PRKAG2: variants seen among roughly 807,000 people sequenced by gnomAD.
PRKAG2 encodes protein kinase AMP-activated non-catalytic subunit gamma 2, also known as 5'-AMP-activated protein kinase subunit gamma-2.
A neutral mutation model predicts 69.6 loss-of-function variants in PRKAG2; 26 were observed. The observed-to-expected ratio is 0.37, with a 90% confidence interval of 0.27 to 0.52. The LOEUF (loss-of-function observed/expected upper bound fraction) is 0.52. PRKAG2 is among the 20% of genes least tolerant of loss of function. The pLI is 0.90. For missense variants in PRKAG2, 557 were observed against 740.0 expected, an observed-to-expected ratio of 0.75 and a Z score of 2.87; for synonymous variants, 293 against 285.0, an observed-to-expected ratio of 1.03 and a Z score of -0.28.
intron 5 of PRKAG2, among the ~76,000 whole-genome samples, chr7:151,620,627 G>A (rs4726062): frequency 0.097 from 14,794 of 151,888 alleles, 957 homozygotes; most frequent in Middle Eastern, 0.16. Flanking sequence ...ACAGGCATCC[G>A]CTACCATACC....
chr7:151,736,483 AT>A, intron 3 of PRKAG2: 1 of 857,272 alleles, frequency 1.2e-6, no homozygotes, highest in South Asian at 5.4e-5. Context: ...GCCGTGCATG[AT>A]GTCTCTTTAA....
chr7:151,637,711 T>TTTG (rs1382156403), intron 4 of PRKAG2, among the ~76,000 whole-genome samples: 2 of 151,888 alleles, frequency 1.3e-5, no homozygotes, highest in African/African-American at 2.4e-5. Flanking sequence ...CATGAGGTTT[T>TTTG]TTTTTTTTTT....
At chr7:151,558,939 T>G in intron 15 of PRKAG2, 1 of 985,454 alleles carries the variant, frequency 1.0e-6, no homozygotes, top group Non-Finnish European at 1.2e-6. Context: ...TTACTCTTTT[T>G]GTAATGCCCA....
intron 3 of PRKAG2, among the ~76,000 whole-genome samples, chr7:151,676,617 T>C (rs1323319900): frequency 7.9e-5 from 12 of 152,110 alleles, no homozygotes; most frequent in Admixed American, 6.5e-4. Context: ...AAGTGGCGAG[T>C]GTACACCTAA....
At chr7:151,652,078 G>A (rs1053323532) in intron 4 of PRKAG2, among the ~76,000 whole-genome samples, 2 of 152,176 alleles carry the variant, frequency 1.3e-5, no homozygotes, top group African/African-American at 2.4e-5. Context: ...TGACAGATAC[G>A]TTAATTAGCT....
chr7:151,841,186 C>G (rs1331734176), intron 1 of PRKAG2, among the ~76,000 whole-genome samples: 2 of 152,134 alleles, frequency 1.3e-5, no homozygotes, highest in Non-Finnish European at 2.9e-5. Context: ...CAGGGTTTCC[C>G]TATGTTGCCA....
At position 151,729,124 on chromosome 7, in the gene PRKAG2, TG is replaced by T. The variant is rs1465841125; in HGVS notation, c.466+52027del. ...CAGTGACGTAGGGAGAACAGGCAGA[TG>T]GGTTATGAGCTTTTCCAGGCATGGA... On this transcript the variant is annotated intron_variant, in intron 3 of 15. Coordinates refer to ENST00000287878, the MANE Select transcript of PRKAG2 (RefSeq NM_016203.4). Among the ~76,000 whole-genome samples, 29 of 116,824 alleles carry T rather than the reference TG, an allele frequency of 2.5e-4. 1 individual carries two copies. In the South Asian group the frequency reaches 8.4e-3, roughly 34 times the overall value. 76.6% of individuals were successfully genotyped at this position (116,824 alleles called of 152,430 possible). A position where few individuals can be genotyped will look rare whatever the true frequency, so the allele number is the denominator to read the frequency against.
chr7:151,618,251 GA>G (rs1235618322), intron 5 of PRKAG2, among the ~76,000 whole-genome samples: 1 of 151,972 alleles, frequency 6.6e-6, no homozygotes, highest in Non-Finnish European at 1.5e-5. Context: ...TCAGGAGTTC[GA>G]GATCAGCCTG....
At chr7:151,560,442 G>T in intron 15 of PRKAG2, 82 bp downstream of exon 15, 7 of 1,612,144 alleles carry the variant, frequency 4.3e-6, no homozygotes, top group South Asian at 1.1e-5. Flanking sequence ...GTGGAGAAAT[G>T]ATGGTTTAAA....
At chr7:151,612,162 C>T (rs910576012) in intron 5 of PRKAG2, among the ~76,000 whole-genome samples, 6 of 152,120 alleles carry the variant, frequency 3.9e-5, no homozygotes, top group Admixed American at 6.5e-5. Flanking sequence ...GACTTACATG[C>T]AGAGAGAAAG....
chr7:151,623,705 A>T (rs1435694564), intron 5 of PRKAG2, among the ~76,000 whole-genome samples: 1 of 152,202 alleles, frequency 6.6e-6, no homozygotes, highest in African/African-American at 2.4e-5. Flanking sequence ...AACTTACTAA[A>T]GTTCTCACAG....
intron 5 of PRKAG2, among the ~76,000 whole-genome samples, chr7:151,628,355 T>C (rs1823532847): frequency 6.6e-6 from 1 of 152,272 alleles, no homozygotes; most frequent in Non-Finnish European, 1.5e-5. Context: ...TTAATATAGA[T>C]AAACACAAAC....
At chr7:151,815,357 C>A (rs1293577485) in intron 1 of PRKAG2, among the ~76,000 whole-genome samples, 2 of 152,102 alleles carry the variant, frequency 1.3e-5, no homozygotes, top group East Asian at 3.9e-4. Context: ...AGATAGTAAG[C>A]AACTCATCTG....
Position 151,595,325 on chromosome 7 carries a change from T to C in PRKAG2, c.864+20A>G, listed in dbSNP as rs370643442. The stretch of plus-strand genomic sequence containing the variant: ...CATCCAAAAAATACCAAAAAATTCA[T>C]GAAAATGGAGTACACTTACTTGTAA... On this transcript the variant is annotated intron_variant, in intron 6 of 15. Coordinates refer to ENST00000287878, the MANE Select transcript of PRKAG2 (RefSeq NM_016203.4). 9.8e-5 allele frequency: 155 copies of C among 1,583,848 alleles called. No homozygotes were observed. Among genetic ancestry groups the C allele is most frequent in the Non-Finnish European group, 1.3e-4 (147 of 1,153,502 alleles).
intron 5 of PRKAG2, among the ~76,000 whole-genome samples, chr7:151,600,261 C>T (rs534094470): frequency 2.6e-5 from 4 of 152,288 alleles, no homozygotes; most frequent in Admixed American, 6.5e-5. Context: ...CAGCCCACAC[C>T]GATCTGTGCA....
chr7:151,792,100 A>G (rs1396889813), intron 1 of PRKAG2, among the ~76,000 whole-genome samples: 2 of 152,240 alleles, frequency 1.3e-5, no homozygotes, highest in Non-Finnish European at 2.9e-5. Flanking sequence ...AGTAATAGAA[A>G]AACAATTTGG....
chr7:151,667,271 A>C (rs1105843), intron 4 of PRKAG2, among the ~76,000 whole-genome samples: 4,004 of 152,104 alleles, frequency 0.026, 195 homozygotes, highest in African/African-American at 0.091. Flanking sequence ...AGAGCACTTC[A>C]TGATAAACAT....
At chr7:151,709,195 G>A (rs1253142526) in intron 3 of PRKAG2, among the ~76,000 whole-genome samples, 2 of 152,130 alleles carry the variant, frequency 1.3e-5, no homozygotes, top group Non-Finnish European at 2.9e-5. Flanking sequence ...TGTATGAACT[G>A]AATGACATTG....
chr7:151,864,489 G>T (rs916892842), intron 1 of PRKAG2, among the ~76,000 whole-genome samples: 1 of 152,190 alleles, frequency 6.6e-6, no homozygotes, highest in East Asian at 1.9e-4. Context: ...CAACCCTAGA[G>T]GGGAGGTCTC....
Sources: gnomAD v4.1 joint callset for allele counts (sites outside exome capture counted in the v4.1 genomes callset) on GRCh38, gnomAD v4.1.1 for gene constraint, MANE v1.5 for transcripts, NCBI Gene and HGNC (gene_info 2026-07-23, HGNC 2026-07-21) for gene names.